The following TRPC3 variants were observed in gnomAD, a reference collection of about 807,000 sequenced individuals.
TRPC3 encodes the protein transient receptor potential cation channel subfamily C member 3, also known as short transient receptor potential channel 3.
In TRPC3, 54 loss-of-function variants were observed where a neutral mutation model predicts 90.9. The ratio of observed to expected loss-of-function variants is 0.59; its 90% CI spans 0.48 to 0.75. The LOEUF is 0.75. Ranked by LOEUF, TRPC3 falls within the 30% of genes least tolerant of loss-of-function variation. TRPC3 has a pLI of 0.00. For synonymous variants in TRPC3, 424 were observed against 450.9 expected (o/e 0.94, Z 0.75); for missense variants, 918 against 1,194.5 (o/e 0.77, Z 3.41).
At chr4:121,949,778 C>T (rs1344965920) in intron 1 of TRPC3, among the ~76,000 whole-genome samples, 4 of 152,160 alleles carry the variant, frequency 2.6e-5, no homozygotes, top group Non-Finnish European at 2.9e-5. Context: ...AGTTAGCAAA[C>T]ATATACAAAA....
intron 10 of TRPC3, among the ~76,000 whole-genome samples, chr4:121,896,555 C>T (rs998757015): frequency 1.3e-5 from 2 of 151,764 alleles, no homozygotes; most frequent in African/African-American, 4.8e-5. Flanking sequence ...AAAGGCAATG[C>T]CATTTACAAT....
intron 10 of TRPC3, among the ~76,000 whole-genome samples, chr4:121,898,092 T>C (rs1728580998): frequency 6.6e-6 from 1 of 152,182 alleles, no homozygotes; most frequent in African/African-American, 2.4e-5. Flanking sequence ...TAAACTCATA[T>C]GTGGAAGCTA....
At chr4:121,921,838 A>T (rs990708948) in intron 3 of TRPC3, among the ~76,000 whole-genome samples, 2 of 151,386 alleles carry the variant, frequency 1.3e-5, no homozygotes, top group African/African-American at 4.9e-5. Flanking sequence ...GGGTGGGGTG[A>T]TATTTTTCCT....
chr4:121,895,736 G>C (rs1049627176), intron 10 of TRPC3, among the ~76,000 whole-genome samples: 2 of 152,006 alleles, frequency 1.3e-5, no homozygotes, highest in African/African-American at 4.8e-5. Flanking sequence ...AGGACCAAAT[G>C]GTTTCACTGC....
At chr4:121,911,375 G>A (rs1406268568) in intron 5 of TRPC3, among the ~76,000 whole-genome samples, 1 of 152,128 alleles carries the variant, frequency 6.6e-6, no homozygotes, top group South Asian at 2.1e-4. Flanking sequence ...ATTGTAAGAC[G>A]AAATAGGTTG....
chr4:121,943,805 T>G (rs1348918270), intron 1 of TRPC3, among the ~76,000 whole-genome samples: 4 of 152,196 alleles, frequency 2.6e-5, no homozygotes, highest in Admixed American at 1.3e-4. Flanking sequence ...GTCACACATT[T>G]TCCTTAACAA....
At chr4:121,917,469 C>T (rs1340116677) in intron 3 of TRPC3, among the ~76,000 whole-genome samples, 1 of 152,126 alleles carries the variant, frequency 6.6e-6, no homozygotes, top group African/African-American at 2.4e-5. Flanking sequence ...TCTTAAGCCC[C>T]TCCTATGATC....
chr4:121,891,591 T>C (rs1242936778), intron 10 of TRPC3, among the ~76,000 whole-genome samples: 2 of 152,174 alleles, frequency 1.3e-5, no homozygotes, highest in South Asian at 2.1e-4. Context: ...CCCTAACCCA[T>C]CTGCCTAAAA....
At chr4:121,880,377 T>C (rs1388107567) in intron 11 of TRPC3, among the ~76,000 whole-genome samples, 2 of 151,596 alleles carry the variant, frequency 1.3e-5, no homozygotes, top group Admixed American at 6.6e-5. Flanking sequence ...GAAAAAAGAG[T>C]AAGGAGTGTT....
At chr4:121,906,487 C>T (rs1476209893) in intron 7 of TRPC3, among the ~76,000 whole-genome samples, 1 of 152,050 alleles carries the variant, frequency 6.6e-6, no homozygotes, top group Admixed American at 6.6e-5. Flanking sequence ...ACCTCTAAGA[C>T]CTGTTCTATA....
At chr4:121,947,706 G>T (rs969373878) in intron 1 of TRPC3, among the ~76,000 whole-genome samples, 1 of 152,114 alleles carries the variant, frequency 6.6e-6, no homozygotes, top group South Asian at 2.1e-4. Flanking sequence ...GAGTATAAAC[G>T]ACAGCATGAA....
chr4:121,903,458 C>T (rs1448788661), intron 8 of TRPC3, among the ~76,000 whole-genome samples: 1 of 152,194 alleles, frequency 6.6e-6, no homozygotes, highest in Non-Finnish European at 1.5e-5. Context: ...CTATCCAAGC[C>T]AGGCTGTAGA....
chr4:121,922,523 C>T (rs952091940), intron 3 of TRPC3, among the ~76,000 whole-genome samples: 7 of 152,178 alleles, frequency 4.6e-5, no homozygotes, highest in African/African-American at 7.2e-5. Context: ...TTATTACTAA[C>T]GACACCTCAT....
intron 3 of TRPC3, among the ~76,000 whole-genome samples, chr4:121,918,281 T>A (rs1729388812): frequency 6.6e-6 from 1 of 152,204 alleles, no homozygotes; most frequent in African/African-American, 2.4e-5. Flanking sequence ...GAAAGTTTTG[T>A]TCTTATAAGT....
chr4:121,946,080 T>A (rs989962864), intron 1 of TRPC3, among the ~76,000 whole-genome samples: 1 of 151,804 alleles, frequency 6.6e-6, no homozygotes, highest in Admixed American at 6.6e-5. Context: ...ATATAAAAAC[T>A]AGGGGATCAG....
At position 121,932,394 on chromosome 4, in the gene TRPC3, G is replaced by A. The variant is rs1369781920; in HGVS notation, c.864C>T (p.Ile288=). The A allele has an allele frequency of 6.2e-6, 10 of 1,614,164 alleles. No homozygotes were observed. The highest frequency in any genetic ancestry group is 8.5e-6 in the Non-Finnish European group (10 of 1,180,014). ...HDSFSHSRSR[I]NAYKGLASPA... ...GGCTGGCCAGCCCCTTGTAGGCATT[G>A]ATCCTCGAGCGTGAGTGGCTGAAGG... Residue 288 remains isoleucine (I), a synonymous_variant, in exon 2 of 12, where the codon ATC becomes ATT. Transcript: ENST00000379645. This position sits in a 1 kb window ranked among gnomAD's most constrained non-coding sequence, Gnocchi z 7.7.
At chr4:121,933,332 T>C (rs867269737) in intron 1 of TRPC3, 1 of 322,762 alleles carries the variant, frequency 3.1e-6, no homozygotes, top group Non-Finnish European at 5.2e-6. Context: ...CATATACCCA[T>C]GCCTTCCTTG....
rs909440473 is a variant in TRPC3, at chr4:121,891,672, A to G, written c.2547+7940T>C. Among the ~76,000 whole-genome samples, 8 of 152,182 alleles carry G rather than the reference A, an allele frequency of 5.3e-5. No homozygotes were observed. The South Asian group carries it at 1.7e-3, about 32-fold the overall frequency. ...TCCCAGATTAGCAGGAGGAAAAACA[A>G]TCATTACCACTGGGGACAGAAAGTC... On this transcript the variant is annotated intron_variant, in intron 10 of 11. Transcript: ENST00000379645.
Position 121,932,160 on chromosome 4 carries a change from A to G in TRPC3, c.987+111T>C, listed in dbSNP as rs1005789890. On this transcript the variant is annotated intron_variant, in intron 2 of 11. Coordinates refer to ENST00000379645, the MANE Select transcript of TRPC3 (RefSeq NM_001130698.2). The surrounding 1 kb of genome is among the most constrained non-coding windows in gnomAD (Gnocchi z 7.7). The stretch of plus-strand genomic sequence containing the variant: ...GACGTTCTCAGTCCCTCGTGATTTC[A>G]CATTCACTGGGCAAAACCGAATGTG... 112 of 1,497,534 alleles carry G rather than the reference A, an allele frequency of 7.5e-5. No homozygotes were observed. Among genetic ancestry groups the G allele is most frequent in the Non-Finnish European group, 9.9e-5 (111 of 1,116,364 alleles). 92.8% of individuals were successfully genotyped at this position (1,497,534 alleles called of 1,614,324 possible).
Sources: gnomAD v4.1 joint callset for allele counts (sites outside exome capture counted in the v4.1 genomes callset) on GRCh38, gnomAD v4.1.1 for gene constraint, Gnocchi (gnomAD v3.1) non-coding constraint, MANE v1.5 for transcripts, NCBI Gene and HGNC (gene_info 2026-07-23, HGNC 2026-07-21) for gene names.